CSGALNACT1: variants seen among roughly 807,000 people sequenced by gnomAD.
The protein encoded by CSGALNACT1 is chondroitin sulfate N-acetylgalactosaminyltransferase 1.
Under a neutral mutation model 51.0 loss-of-function variants are expected in CSGALNACT1, and 52 were observed. The observed-to-expected ratio is 1.02, with a 90% CI of 0.82 to 1.29. The LOEUF (loss-of-function observed/expected upper bound fraction) is 1.29. CSGALNACT1 is among the 50% of genes most tolerant of loss of function. The pLI, the probability that CSGALNACT1 is intolerant of heterozygous loss-of-function variation, is 0.00. For missense variants in CSGALNACT1, 935 were observed against 679.2 expected (o/e 1.38, Z -4.19); for synonymous variants, 341 against 254.4 (o/e 1.34, Z -3.24).
chr8:19,706,652 A>ATCTGCAGGTCAGGCTCCTCC (rs2062184691), intron 1 of CSGALNACT1, among the ~76,000 whole-genome samples: 1 of 152,180 alleles, frequency 6.6e-6, no homozygotes, highest in Non-Finnish European at 1.5e-5. Flanking sequence ...CTACCAGAGC[A>ATCTGCAGGTCAGGCTCCTCC]TCTGCAGGTC....
At chr8:19,641,019 A>G (rs755608816) in intron 1 of CSGALNACT1, among the ~76,000 whole-genome samples, 2 of 152,064 alleles carry the variant, frequency 1.3e-5, no homozygotes, top group Non-Finnish European at 2.9e-5. Context: ...GCTTAAACAC[A>G]AAGCAGGATC....
At chr8:19,480,049 T>G (rs1563638071) in intron 4 of CSGALNACT1, among the ~76,000 whole-genome samples, 1 of 152,346 alleles carries the variant, frequency 6.6e-6, no homozygotes, top group African/African-American at 2.4e-5. Flanking sequence ...ACTACAACAA[T>G]GCATATTTCA....
At chr8:19,469,882 G>C (rs2067700687) in intron 4 of CSGALNACT1, among the ~76,000 whole-genome samples, 1 of 152,152 alleles carries the variant, frequency 6.6e-6, no homozygotes, top group Non-Finnish European at 1.5e-5. Flanking sequence ...CCAGAACTTG[G>C]TGTCTGCAAC....
chr8:19,604,385 AT>A (rs1295178409), upstream of CSGALNACT1, among the ~76,000 whole-genome samples: 4 of 152,238 alleles, frequency 2.6e-5, no homozygotes, highest in African/African-American at 9.6e-5. Context: ...ACATGAACTC[AT>A]TCCAACCACA....
intron 5 of CSGALNACT1, among the ~76,000 whole-genome samples, chr8:19,442,551 C>A (rs376380096): frequency 7.7e-4 from 104 of 135,700 alleles, no homozygotes; most frequent in African/African-American, 2.6e-3. Flanking sequence ...AGGGGAACAT[C>A]ACACTCTGGG....
At chr8:19,460,143 C>A (rs575323072) in intron 4 of CSGALNACT1, among the ~76,000 whole-genome samples, 1 of 152,232 alleles carries the variant, frequency 6.6e-6, no homozygotes, top group East Asian at 1.9e-4. Context: ...TAAAACCCAA[C>A]AAATCAGAAA....
intron 1 of CSGALNACT1, among the ~76,000 whole-genome samples, chr8:19,707,673 G>C (rs959081704): frequency 1.4e-5 from 2 of 142,892 alleles, no homozygotes; most frequent in Admixed American, 7.4e-5. Context: ...TAACTAATAT[G>C]CTTTTTTTAA....
chr8:19,605,557 C>A (rs769707047), upstream of CSGALNACT1, among the ~76,000 whole-genome samples: 11 of 152,162 alleles, frequency 7.2e-5, no homozygotes, highest in Non-Finnish European at 1.3e-4. Flanking sequence ...AGTGAGGATT[C>A]CGAGTGAGCA....
chr8:19,652,143 G>A (rs1197144864), intron 1 of CSGALNACT1, among the ~76,000 whole-genome samples: 2 of 151,830 alleles, frequency 1.3e-5, no homozygotes, highest in African/African-American at 2.4e-5. Flanking sequence ...TAGAGATGGG[G>A]TTTCACCATG....
At chr8:19,724,461 G>T (rs553913714) in intron 1 of CSGALNACT1, among the ~76,000 whole-genome samples, 1 of 152,280 alleles carries the variant, frequency 6.6e-6, no homozygotes, top group African/African-American at 2.4e-5. Flanking sequence ...TTGGTTCTCT[G>T]CCTTCATCAC....
At chr8:19,588,084 G>C (rs1014241953) in intron 3 of CSGALNACT1, 1 of 152,146 alleles carries the variant, frequency 6.6e-6, no homozygotes, top group African/African-American at 2.4e-5. Flanking sequence ...CCAGCTACTT[G>C]GGAGACTGAG....
intron 1 of CSGALNACT1, among the ~76,000 whole-genome samples, chr8:19,722,547 C>T (rs2063181990): frequency 6.6e-6 from 1 of 152,132 alleles, no homozygotes; most frequent in Admixed American, 6.5e-5. Context: ...ACCATTTGCA[C>T]ATGGTCTCCC....
intron 1 of CSGALNACT1, among the ~76,000 whole-genome samples, chr8:19,721,318 A>T (rs913484446): frequency 6.6e-6 from 1 of 152,054 alleles, no homozygotes; most frequent in Admixed American, 6.6e-5. Flanking sequence ...CCCTCTGCCT[A>T]CTCCACCCAC....
chr8:19,498,086 T>C (rs1469047528), intron 4 of CSGALNACT1, among the ~76,000 whole-genome samples: 2 of 152,166 alleles, frequency 1.3e-5, no homozygotes, highest in African/African-American at 2.4e-5. Flanking sequence ...TCAGGCTGTG[T>C]CAACGGGCAC....
chr8:19,685,325 A>T (rs1365170961), upstream of CSGALNACT1, among the ~76,000 whole-genome samples: 1 of 152,166 alleles, frequency 6.6e-6, no homozygotes, highest in Non-Finnish European at 1.5e-5. Context: ...TCTGGGCAAC[A>T]TGGCAAAACC....
chr8:19,426,634 G>C (rs190012042), intron 6 of CSGALNACT1, among the ~76,000 whole-genome samples: 170 of 152,194 alleles, frequency 1.1e-3, no homozygotes, highest in African/African-American at 4.0e-3. Flanking sequence ...ATTATCAACT[G>C]ACAAAACTCT....
chr8:19,505,936 G>C (rs1554642244), exon 4 of CSGALNACT1: 1 of 1,385,472 alleles, frequency 7.2e-7, no homozygotes, highest in South Asian at 1.2e-5. Context: ...TGCGTTTGGG[G>C]CCCCCGGAGC....
At chr8:19,604,391 A>G (rs1261485774), upstream of CSGALNACT1, among the ~76,000 whole-genome samples, 1 of 152,216 alleles carries the variant, frequency 6.6e-6, no homozygotes, top group East Asian at 1.9e-4. Flanking sequence ...ACTCATTCCA[A>G]CCACAACAAT....
chr8:19,689,655 G>A (rs1320019829), intron 1 of CSGALNACT1, among the ~76,000 whole-genome samples: 2 of 152,208 alleles, frequency 1.3e-5, no homozygotes, highest in African/African-American at 4.8e-5. Context: ...CATTGATTTA[G>A]ACTGAGCTCC....
Sources: gnomAD v4.1 joint callset for allele counts (sites outside exome capture counted in the v4.1 genomes callset) on GRCh38, gnomAD v4.1.1 for gene constraint, MANE v1.5 for transcripts, NCBI Gene and HGNC (gene_info 2026-07-23, HGNC 2026-07-21) for gene names.